The following SBK1 variants were observed in gnomAD, a reference collection of about 807,000 sequenced individuals.
SBK1 encodes the protein serine/threonine-protein kinase SBK1.
SBK1 carries 11 observed loss-of-function variants against 24.4 expected under a neutral mutation model. That is an observed-to-expected ratio of 0.45 (90% CI 0.28 to 0.75). The LOEUF (loss-of-function observed/expected upper bound fraction) is 0.75. Ranked by LOEUF, SBK1 falls within the 30% of genes least tolerant of loss-of-function variation. SBK1 has a pLI of 0.12. For missense variants in SBK1, 467 were observed against 620.5 expected (o/e 0.75, Z 2.63); for synonymous variants, 308 against 284.4 (o/e 1.08, Z -0.83).
chr16:28,272,570 T>C (rs1385841689), intron 1 of SBK1, among the ~76,000 whole-genome samples: 1 of 152,044 alleles, frequency 6.6e-6, no homozygotes. Context: ...ATAATGTCCT[T>C]GAGTTTCATC....
chr16:28,269,109 C>T (rs2044447848), intron 1 of SBK1, among the ~76,000 whole-genome samples: 1 of 149,814 alleles, frequency 6.7e-6, no homozygotes, highest in East Asian at 2.0e-4. Flanking sequence ...TCTTGGCTCA[C>T]TGCAACCTCT....
chr16:28,308,902 G>A (rs553461466), intron 1 of SBK1, among the ~76,000 whole-genome samples: 7 of 151,938 alleles, frequency 4.6e-5, no homozygotes, highest in African/African-American at 9.7e-5. Flanking sequence ...CTCCCACCTC[G>A]GCCTCCCAAA....
At chr16:28,295,824 C>T (rs1224510235) in intron 1 of SBK1, among the ~76,000 whole-genome samples, 3 of 152,052 alleles carry the variant, frequency 2.0e-5, no homozygotes, top group Non-Finnish European at 1.5e-5. Context: ...TAGACAGGGC[C>T]CTTGCCTTCC....
chr16:28,291,757 C>T (rs2044599906), upstream of SBK1: 1 of 152,362 alleles, frequency 6.6e-6, no homozygotes, highest in African/African-American at 2.4e-5. Context: ...ATCCCTTACA[C>T]CTGCTGTACC....
In SBK1 at chr16:28,320,048, C is replaced by A; in HGVS notation, c.430-28C>A. On this transcript the variant is annotated intron_variant, in intron 3 of 3. Coordinates refer to ENST00000341901, the MANE Select transcript of SBK1 (RefSeq NM_001024401.3). The surrounding 1 kb of genome is among the most constrained non-coding windows in gnomAD (Gnocchi z 8.5). The stretch of plus-strand genomic sequence containing the variant: ...GGGGCGGGCGCTGGAGAGCTGGAAA[C>A]AGCGCGGCTTCCCCCGGCCGCCCGC... 6.9e-7 allele frequency: 1 copy of A among 1,453,570 alleles called. No individual in the cohort carries two copies. Among genetic ancestry groups the A allele is most frequent in the Admixed American group, 2.6e-5 (1 of 38,252 alleles). The allele number at this position is 1,453,570 out of a possible 1,614,324, so 90.0% of individuals were successfully genotyped here. A position where few individuals can be genotyped will look rare whatever the true frequency, so the allele number is the denominator to read the frequency against.
intron 1 of SBK1, among the ~76,000 whole-genome samples, chr16:28,268,427 T>G (rs898126473): frequency 5.4e-5 from 8 of 149,208 alleles, no homozygotes; most frequent in African/African-American, 1.0e-4. Flanking sequence ...AAATGGGTTT[T>G]TTTTTTTTTT....
At chr16:28,309,437 G>A (rs1024544471) in intron 1 of SBK1, among the ~76,000 whole-genome samples, 1 of 152,170 alleles carries the variant, frequency 6.6e-6, no homozygotes, top group Non-Finnish European at 1.5e-5. Context: ...AACTATGGGC[G>A]GATCATCCAC....
chr16:28,278,098 A>T (rs1487232547), intron 1 of SBK1, among the ~76,000 whole-genome samples: 1 of 152,266 alleles, frequency 6.6e-6, no homozygotes. Context: ...GCCCGAGGCC[A>T]CGCAGGCAGA....
chr16:28,320,515 G>A lies in SBK1; in HGVS notation c.869G>A (p.Arg290His), dbSNP rs1162788282. 2 of 1,569,514 alleles carry A rather than the reference G, an allele frequency of 1.3e-6. No individual in the cohort carries two copies. The highest frequency in any genetic ancestry group is 1.4e-5 in the African/African-American group (1 of 72,950). The change falls in exon 4 of 4, where the codon CGC becomes CAC. Residue 290 changes from arginine (R) to histidine (H), a missense_variant. By Grantham distance (29) the Arg-to-His change is conservative. This residue lies in a region of SBK1 where 86 missense variants were observed against 121.7 expected (regional missense o/e 0.71). Coordinates refer to ENST00000341901, the MANE Select transcript of SBK1 (RefSeq NM_001024401.3). This position sits in a 1 kb window ranked among gnomAD's most constrained non-coding sequence, Gnocchi z 8.5. The part of the protein sequence containing the change: ...QWRRFTEPAL[R>H]MFQRLLALEP... ...CGCCGCTTCACCGAGCCCGCGCTGC[G>A]CATGTTCCAGCGCTTACTGGCCCTG...
chr16:28,287,820 T>G (rs966308057), upstream of SBK1, among the ~76,000 whole-genome samples: 3 of 152,086 alleles, frequency 2.0e-5, no homozygotes, highest in African/African-American at 7.2e-5. Flanking sequence ...CGTGCCACCA[T>G]GCCCAGCTAA....
intron 1 of SBK1, among the ~76,000 whole-genome samples, chr16:28,307,209 T>C (rs1485967925): frequency 6.6e-6 from 1 of 152,182 alleles, no homozygotes; most frequent in Non-Finnish European, 1.5e-5. Flanking sequence ...ACCCCTGTCA[T>C]GTACCAAGCG....
In SBK1 at chr16:28,311,012, G is replaced by A. The variant is rs547943251; in HGVS notation, c.-7-6373G>A. On this transcript the variant is annotated intron_variant, in intron 1 of 3. Transcript: ENST00000341901. Reference sequence around the variant, plus strand: ...GCGGATGACGCAGAGGCAGGGATGGGTGCGTGGATTAATTCCTTGTCTCCT... The same window carrying A: ...GCGGATGACGCAGAGGCAGGGATGGATGCGTGGATTAATTCCTTGTCTCCT... Among the ~76,000 whole-genome samples, 5 of 152,340 alleles carry A rather than the reference G, an allele frequency of 3.3e-5. No individual in the cohort carries two copies. The South Asian group carries it at 1.0e-3, about 32-fold the overall frequency.
chr16:28,274,823 C>T (rs2044486625), intron 1 of SBK1, among the ~76,000 whole-genome samples: 1 of 151,870 alleles, frequency 6.6e-6, no homozygotes, highest in Non-Finnish European at 1.5e-5. Flanking sequence ...TGTTATAATG[C>T]AACTGTAATG....
chr16:28,291,482 A>G (rs2044598147), upstream of SBK1: 1 of 152,160 alleles, frequency 6.6e-6, no homozygotes, highest in African/African-American at 2.4e-5. Flanking sequence ...TGTTGTGCAT[A>G]TGTACCCTAA....
rs2044821243 is a variant in SBK1 at position 28,319,334 on chromosome 16, G to A, written c.429+137G>A. On this transcript the variant is annotated intron_variant, in intron 3 of 3. Coordinates refer to ENST00000341901, the MANE Select transcript of SBK1 (RefSeq NM_001024401.3). This position sits in a 1 kb window ranked among gnomAD's most constrained non-coding sequence, Gnocchi z 4.0. Reference sequence around the variant, plus strand: ...TATGTCAGTTACCATTTGGGGAGGTGGGGATGTGCAGTAAGGAAGACAAAA... The same window carrying A: ...TATGTCAGTTACCATTTGGGGAGGTAGGGATGTGCAGTAAGGAAGACAAAA... 2 of 698,274 alleles carry A rather than the reference G, an allele frequency of 2.9e-6. No homozygotes were observed. The highest frequency in any genetic ancestry group is 1.8e-5 in the South Asian group (1 of 56,848). 43.3% of individuals were successfully genotyped at this position (698,274 alleles called of 1,614,324 possible). A position where few individuals can be genotyped will look rare whatever the true frequency, so the allele number is the denominator to read the frequency against.
rs766796133 is a variant in SBK1, at chr16:28,311,982, C to T, written c.-7-5403C>T. ...GGCCACCAATTAAGCTCCCAGAGTACACAGAACAGCCTGAGGTGGCCTTGC... is the reference window on the plus strand; with the variant it reads ...GGCCACCAATTAAGCTCCCAGAGTATACAGAACAGCCTGAGGTGGCCTTGC... On this transcript the variant is annotated intron_variant, in intron 1 of 3. Coordinates refer to ENST00000341901, the MANE Select transcript of SBK1 (RefSeq NM_001024401.3). Among the ~76,000 whole-genome samples the T allele has an allele frequency of 3.7e-4, 57 of 152,258 alleles. 2 individuals carry two copies. The highest frequency in any genetic ancestry group is 7.2e-4 in the Admixed American group (11 of 15,286).
At chr16:28,260,613 G>T (rs987509598) in intron 1 of SBK1, among the ~76,000 whole-genome samples, 1 of 152,168 alleles carries the variant, frequency 6.6e-6, no homozygotes, top group African/African-American at 2.4e-5. Flanking sequence ...CACAGTTCCC[G>T]CTCCGTGGGC....
In SBK1 at chr16:28,292,944, C is replaced by T. The variant is rs2044611837; in HGVS notation, c.-364C>T. On this transcript the variant is annotated 5_prime_UTR_variant, in exon 1 of 4. Transcript: ENST00000341901. ...CCGCCCCAAGACCTAGAACGCAGTGCCCCCAGGCCGGGATTGCGAGAACCC... is the reference window on the plus strand; with the variant it reads ...CCGCCCCAAGACCTAGAACGCAGTGTCCCCAGGCCGGGATTGCGAGAACCC... The T allele has an allele frequency of 8.3e-6, 8 of 968,394 alleles. No homozygotes were observed. The highest frequency in any genetic ancestry group is 9.5e-5 in the South Asian group (2 of 20,972). The allele number at this position is 968,394 out of a possible 1,614,324, so 60.0% of individuals were successfully genotyped here.
intron 1 of SBK1, among the ~76,000 whole-genome samples, chr16:28,307,597 G>A (rs546478576): frequency 3.3e-4 from 50 of 151,904 alleles, no homozygotes; most frequent in Admixed American, 9.2e-4. Flanking sequence ...AAAATTAGCC[G>A]GGCGTGGTGG....
Sources: allele counts gnomAD v4.1 joint callset (sites outside exome capture counted in the v4.1 genomes callset), GRCh38; gene constraint gnomAD v4.1.1; regional missense constraint gnomAD v4.1.1; non-coding constraint Gnocchi (gnomAD v3.1); transcripts MANE v1.5; gene names NCBI Gene and HGNC (gene_info 2026-07-23, HGNC 2026-07-21).